Variants in ECE1 observed in about 807,000 individuals in gnomAD.
ECE1 encodes the protein endothelin converting enzyme 1, also known as endothelin-converting enzyme 1.
In ECE1, 35 loss-of-function variants were observed where a neutral mutation model predicts 98.6. The ratio of observed to expected loss-of-function variants is 0.35; its 90% CI spans 0.27 to 0.47. The LOEUF is 0.47. ECE1 is among the 20% of genes least tolerant of loss of function. ECE1 has a pLI of 1.00. For synonymous variants in ECE1, 394 were observed against 407.1 expected (o/e 0.97, Z 0.39); for missense variants, 814 against 1,025.3 (o/e 0.79, Z 2.81).
At chr1:21,238,686 A>G (rs1303745867) in intron 10 of ECE1, among the ~76,000 whole-genome samples, 1 of 152,178 alleles carries the variant, frequency 6.6e-6, no homozygotes, top group Non-Finnish European at 1.5e-5. Flanking sequence ...GGAGTCCTGG[A>G]GGCAAAGAGC....
In ECE1 at chr1:21,233,311, AG is replaced by A. The variant is rs2098184105; in HGVS notation, c.1670+246del. On this transcript the variant is annotated intron_variant, in intron 14 of 18. Transcript: ENST00000374893. This position sits in a 1 kb window ranked among gnomAD's most constrained non-coding sequence, Gnocchi z 4.0. ...AGGTGCCAGATCGGCTCCGCTCCAGAGGCCAGGCTCACCCTGCCAACAGGCT... is the reference window on the plus strand; with the variant it reads ...AGGTGCCAGATCGGCTCCGCTCCAGAGCCAGGCTCACCCTGCCAACAGGCT... 1 of 469,528 alleles carries A rather than the reference AG, an allele frequency of 2.1e-6. No individual in the cohort carries two copies. Among genetic ancestry groups the A allele is most frequent in the African/African-American group, 2.0e-5 (1 of 50,686 alleles). 29.1% of individuals were successfully genotyped at this position (469,528 alleles called of 1,614,324 possible).
intron 3 of ECE1, among the ~76,000 whole-genome samples, chr1:21,278,419 T>C (rs1423829442): frequency 6.6e-6 from 1 of 152,234 alleles, no homozygotes; most frequent in African/African-American, 2.4e-5. Context: ...AGGAACACGA[T>C]GGGCAGCTGG....
chr1:21,341,153 C>G (rs1362467310), intron 1 of ECE1, among the ~76,000 whole-genome samples: 1 of 152,094 alleles, frequency 6.6e-6, no homozygotes, highest in Non-Finnish European at 1.5e-5. Context: ...AATCCCACAG[C>G]CCCCCGCGTG....
At chr1:21,232,245 G>C (rs1265989923) in intron 14 of ECE1, among the ~76,000 whole-genome samples, 1 of 152,100 alleles carries the variant, frequency 6.6e-6, no homozygotes, top group Non-Finnish European at 1.5e-5. Flanking sequence ...TTGGACTGAA[G>C]ACTGGAACTG....
At chr1:21,274,949 TC>T (rs2098244783) in intron 3 of ECE1, among the ~76,000 whole-genome samples, 1 of 152,146 alleles carries the variant, frequency 6.6e-6, no homozygotes, top group Non-Finnish European at 1.5e-5. Flanking sequence ...CATGCTCCAC[TC>T]CCAAACTCGG....
intron 4 of ECE1, among the ~76,000 whole-genome samples, chr1:21,268,217 C>T (rs1426033217): frequency 6.6e-6 from 1 of 152,136 alleles, no homozygotes; most frequent in Admixed American, 6.5e-5. Flanking sequence ...GTAGAATAAT[C>T]TGAGCTACAA....
intron 1 of ECE1, among the ~76,000 whole-genome samples, chr1:21,301,355 G>A (rs766257995): frequency 2.0e-5 from 3 of 152,154 alleles, no homozygotes; most frequent in South Asian, 2.1e-4. Context: ...TTAGCTTGGC[G>A]AGGTGGCGGG....
intron 4 of ECE1, among the ~76,000 whole-genome samples, chr1:21,262,987 A>G (rs1464946113): frequency 1.3e-5 from 2 of 152,052 alleles, no homozygotes; most frequent in Non-Finnish European, 2.9e-5. Context: ...GCAGCCAAGG[A>G]CTCGCGGGAG....
chr1:21,339,591 C>T (rs576841592), intron 1 of ECE1, among the ~76,000 whole-genome samples: 70 of 152,350 alleles, frequency 4.6e-4, no homozygotes, highest in African/African-American at 1.6e-3. Flanking sequence ...ATAGTAGATG[C>T]TCATTTTGTC....
intron 14 of ECE1, among the ~76,000 whole-genome samples, chr1:21,232,764 C>T (rs1321011507): frequency 1.3e-5 from 2 of 151,714 alleles, no homozygotes; most frequent in Non-Finnish European, 2.9e-5. Flanking sequence ...CTCCGCCTCC[C>T]GGGTTCAAGC....
Position 21,327,571 on chromosome 1 carries a change from C to T in ECE1, c.3+17805G>A, listed in dbSNP as rs181445688. ...CGGGAGACCTCCACCCTGCTTGTTACACATTTTTGCCTTTTCTTACTTTGA... is the reference window on the plus strand; with the variant it reads ...CGGGAGACCTCCACCCTGCTTGTTATACATTTTTGCCTTTTCTTACTTTGA... On this transcript the variant is annotated intron_variant, in intron 1 of 18. Coordinates refer to the ECE1 transcript ENST00000415912. This position sits in a 1 kb window ranked among gnomAD's most constrained non-coding sequence, Gnocchi z 4.6. Among the ~76,000 whole-genome samples, 1 of 152,190 alleles carries T rather than the reference C, an allele frequency of 6.6e-6. No individual in the cohort carries two copies. Among genetic ancestry groups the T allele is most frequent in the Non-Finnish European group, 1.5e-5 (1 of 68,032 alleles).
At chr1:21,308,807 C>T (rs955469541) in intron 1 of ECE1, among the ~76,000 whole-genome samples, 5 of 152,110 alleles carry the variant, frequency 3.3e-5, no homozygotes, top group African/African-American at 9.7e-5. Flanking sequence ...TCTCTGATGC[C>T]GTGTCTCAGA....
At chr1:21,277,004 T>C (rs758916633) in intron 3 of ECE1, among the ~76,000 whole-genome samples, 4 of 152,136 alleles carry the variant, frequency 2.6e-5, no homozygotes, top group Admixed American at 2.6e-4. Context: ...AGGCGTAAGC[T>C]ACTGCGCCCG....
intron 9 of ECE1, among the ~76,000 whole-genome samples, chr1:21,246,222 G>A (rs1434226898): frequency 6.6e-6 from 1 of 151,938 alleles, no homozygotes; most frequent in African/African-American, 2.4e-5. Flanking sequence ...AAGTATTGCT[G>A]GGTGTGGTGG....
At chr1:21,302,372 C>T (rs542086321) in intron 1 of ECE1, among the ~76,000 whole-genome samples, 32 of 152,290 alleles carry the variant, frequency 2.1e-4, no homozygotes, top group African/African-American at 6.0e-4. Context: ...CTCTGTGACC[C>T]GGGGAGTCTA....
chr1:21,224,931 C>T (rs28368041), intron 17 of ECE1, among the ~76,000 whole-genome samples: 26 of 152,220 alleles, frequency 1.7e-4, no homozygotes, highest in African/African-American at 6.3e-4. Flanking sequence ...AGACCCACAG[C>T]TGGCTGACTT....
chr1:21,313,042 G>T (rs960619349), intron 1 of ECE1, among the ~76,000 whole-genome samples: 1 of 152,156 alleles, frequency 6.6e-6, no homozygotes, highest in Non-Finnish European at 1.5e-5. Context: ...GCCAGAAAGT[G>T]ACAGGGCAGG....
chr1:21,217,666 G>C lies in ECE1; in HGVS notation c.*2289C>G, dbSNP rs1471461566. On this transcript the variant is annotated 3_prime_UTR_variant, in exon 19 of 19. Transcript: ENST00000374893. Reference sequence around the variant, plus strand: ...TCCACGCGGAAGGCAGGAGGGTCGGGGGAGGGGAGGCAGAGGGGACACCAT... The same window carrying C: ...TCCACGCGGAAGGCAGGAGGGTCGGCGGAGGGGAGGCAGAGGGGACACCAT... 6.6e-6 allele frequency: 1 copy of C among 152,496 alleles called. No homozygotes were observed. The highest frequency in any genetic ancestry group is 2.4e-5 in the African/African-American group (1 of 41,474). The allele number at this position is 152,496 out of a possible 1,614,324, so 9.4% of individuals were successfully genotyped here. A position where few individuals can be genotyped will look rare whatever the true frequency, so the allele number is the denominator to read the frequency against.
chr1:21,305,922 C>A (rs1210707487), intron 1 of ECE1, among the ~76,000 whole-genome samples: 2 of 152,180 alleles, frequency 1.3e-5, no homozygotes, highest in Non-Finnish European at 2.9e-5. Context: ...ATGGACCCCC[C>A]ATCAGGGCAG....
Sources: allele counts gnomAD v4.1 joint callset (sites outside exome capture counted in the v4.1 genomes callset), GRCh38; gene constraint gnomAD v4.1.1; non-coding constraint Gnocchi (gnomAD v3.1); transcripts MANE v1.5; gene names NCBI Gene and HGNC (gene_info 2026-07-23, HGNC 2026-07-21).